SNAP25: variants seen among roughly 807,000 people sequenced by gnomAD.
SNAP25 encodes synaptosome associated protein 25, also known as synaptosomal-associated protein 25.
In SNAP25, 3 loss-of-function variants were observed where a neutral mutation model predicts 28.7. That is an observed-to-expected ratio of 0.10 (90% CI 0.05 to 0.27). The LOEUF is 0.27. Ranked by LOEUF, SNAP25 falls within the 10% of genes least tolerant of loss-of-function variation. The pLI is 1.00. For missense variants in SNAP25, 117 were observed against 278.7 expected (o/e 0.42, Z 4.13); for synonymous variants, 61 against 88.1 (o/e 0.69, Z 1.72).
At chr20:10,285,552 T>C (rs2284298) in intron 4 of SNAP25, among the ~76,000 whole-genome samples, 16,716 of 152,256 alleles carry the variant, frequency 0.11, 1,163 homozygotes, top group East Asian at 0.18. Flanking sequence ...TTTTTCTTTT[T>C]ATTCATATTT....
chr20:10,233,159 G>A (rs948825079), intron 1 of SNAP25, among the ~76,000 whole-genome samples: 1 of 152,116 alleles, frequency 6.6e-6, no homozygotes, highest in Non-Finnish European at 1.5e-5. Context: ...GGCTCATTTT[G>A]CCTCCTATCA....
At chr20:10,272,044 C>T (rs2063604408) in intron 1 of SNAP25, among the ~76,000 whole-genome samples, 1 of 152,146 alleles carries the variant, frequency 6.6e-6, no homozygotes, top group South Asian at 2.1e-4. Flanking sequence ...CTGCTGGTTT[C>T]CCTGGTTTCA....
intron 4 of SNAP25, among the ~76,000 whole-genome samples, chr20:10,288,162 T>G (rs1373573038): frequency 6.6e-6 from 1 of 151,670 alleles, no homozygotes; most frequent in Non-Finnish European, 1.5e-5. Flanking sequence ...AGTATAATAA[T>G]AATAAAATAA....
At chr20:10,296,759 G>A (rs911947892) in intron 5 of SNAP25, 166 bp from the exon 6 acceptor site, 2 of 863,750 alleles carry the variant, frequency 2.3e-6, no homozygotes, top group African/African-American at 1.7e-5. Context: ...GCTGAGGCAT[G>A]GTGGTGGCCA....
At chr20:10,238,676 G>T (rs749759412) in intron 1 of SNAP25, among the ~76,000 whole-genome samples, 3 of 152,126 alleles carry the variant, frequency 2.0e-5, no homozygotes, top group Non-Finnish European at 4.4e-5. Flanking sequence ...TTGAGAGGCC[G>T]AGGCAGGTGG....
At chr20:10,287,729 AT>A (rs1033025044) in intron 4 of SNAP25, among the ~76,000 whole-genome samples, 17 of 151,314 alleles carry the variant, frequency 1.1e-4, no homozygotes, top group Non-Finnish European at 2.1e-4. Flanking sequence ...TTGCAGCACT[AT>A]TCACAATAGC....
chr20:10,293,060 C>CT lies in SNAP25; in HGVS notation c.164-95dup. The CT allele has an allele frequency of 8.7e-7, 1 of 1,146,084 alleles. No individual in the cohort carries two copies. The highest frequency in any genetic ancestry group is 1.8e-5 in the South Asian group (1 of 54,516). The allele number at this position is 1,146,084 out of a possible 1,614,324, so 71.0% of individuals were successfully genotyped here. ...CAGTTTTCTTTCTTTTTTTTTTTTT[C>CT]TTTTTTAATGTCAAAGTGAATGTCT... On this transcript the variant is annotated intron_variant, in intron 4 of 7. Coordinates refer to ENST00000254976, the MANE Select transcript of SNAP25 (RefSeq NM_130811.4). This position sits in a 1 kb window ranked among gnomAD's most constrained non-coding sequence, Gnocchi z 5.6.
intron 3 of SNAP25, among the ~76,000 whole-genome samples, chr20:10,280,244 G>A (rs1014016179): frequency 6.6e-6 from 1 of 152,144 alleles, no homozygotes; most frequent in Non-Finnish European, 1.5e-5. Flanking sequence ...TAGGGGTGGG[G>A]CCTTGCTTTT....
intron 5 of SNAP25, 167 bp from the exon 6 acceptor site, chr20:10,296,758 T>A (rs189730249): frequency 1.2e-6 from 1 of 847,310 alleles, no homozygotes; most frequent in East Asian, 2.9e-5. Flanking sequence ...AGCTGAGGCA[T>A]GGTGGTGGCC....
chr20:10,262,724 A>C (rs1191500275), intron 1 of SNAP25, among the ~76,000 whole-genome samples: 1 of 152,236 alleles, frequency 6.6e-6, no homozygotes, highest in Non-Finnish European at 1.5e-5. Context: ...AGTTTGGAGA[A>C]GGACAGTGGG....
intron 1 of SNAP25, among the ~76,000 whole-genome samples, chr20:10,242,163 C>T (rs982848265): frequency 2.6e-5 from 4 of 152,044 alleles, no homozygotes; most frequent in Non-Finnish European, 4.4e-5. Context: ...AATGTATACG[C>T]AAGTGAGGAA....
intron 4 of SNAP25, among the ~76,000 whole-genome samples, chr20:10,292,640 C>T (rs1193262997): frequency 1.3e-5 from 2 of 152,256 alleles, no homozygotes; most frequent in East Asian, 3.9e-4. Context: ...CACTCAGAAT[C>T]AAACAGGCCT....
At position 10,277,744 on chromosome 20, in the gene SNAP25, T is replaced by C. The variant is rs200107809; in HGVS notation, c.114+18T>C. 2.5e-6 allele frequency: 4 copies of C among 1,611,894 alleles called. No homozygotes were observed. Among genetic ancestry groups the C allele is most frequent in the Non-Finnish European group, 3.4e-6 (4 of 1,178,290 alleles). ...TTGAAGAGGTAAGAAGTGACAGTAT[T>C]TTAAGATAAAGGAACAAATCCCTTA... is the stretch of plus-strand genomic sequence containing the variant. On this transcript the variant is annotated intron_variant, in intron 3 of 7. Coordinates refer to ENST00000254976, the MANE Select transcript of SNAP25 (RefSeq NM_130811.4).
intron 1 of SNAP25, among the ~76,000 whole-genome samples, chr20:10,253,370 G>C (rs2063263742): frequency 6.6e-6 from 1 of 152,150 alleles, no homozygotes; most frequent in Non-Finnish European, 1.5e-5. Flanking sequence ...CAGTGATGAG[G>C]ACTCTGGATT....
chr20:10,242,833 A>C (rs1446546720), intron 1 of SNAP25, among the ~76,000 whole-genome samples: 3 of 152,246 alleles, frequency 2.0e-5, no homozygotes, highest in Non-Finnish European at 4.4e-5. Flanking sequence ...ATATCCATTT[A>C]GCCAGCATAA....
chr20:10,255,801 T>C (rs896414180), intron 1 of SNAP25, among the ~76,000 whole-genome samples: 1 of 152,216 alleles, frequency 6.6e-6, no homozygotes, highest in Non-Finnish European at 1.5e-5. Context: ...TTGGGCTTCA[T>C]TTACGGATTT....
chr20:10,300,990 A>C (rs2123170575), intron 7 of SNAP25, among the ~76,000 whole-genome samples: 1 of 152,330 alleles, frequency 6.6e-6, no homozygotes, highest in African/African-American at 2.4e-5. Flanking sequence ...AATTTGAAAA[A>C]AACAGGAAGT....
chr20:10,233,573 G>T (rs188523311), intron 1 of SNAP25, among the ~76,000 whole-genome samples: 2 of 152,306 alleles, frequency 1.3e-5, no homozygotes, highest in Admixed American at 1.3e-4. Context: ...GAGAAGGTAA[G>T]CATTAAGGGA....
intron 1 of SNAP25, among the ~76,000 whole-genome samples, chr20:10,221,330 A>G (rs1011050057): frequency 6.6e-6 from 1 of 152,240 alleles, no homozygotes; most frequent in Non-Finnish European, 1.5e-5. Flanking sequence ...GTGCACAATT[A>G]GAAAGCTAAT....
Sources: gnomAD v4.1 joint callset for allele counts (sites outside exome capture counted in the v4.1 genomes callset) on GRCh38, gnomAD v4.1.1 for gene constraint, Gnocchi (gnomAD v3.1) non-coding constraint, MANE v1.5 for transcripts, NCBI Gene and HGNC (gene_info 2026-07-23, HGNC 2026-07-21) for gene names.